Variants in AGBL4 observed in about 807,000 individuals in gnomAD.
The protein encoded by AGBL4 is AGBL carboxypeptidase 4.
AGBL4 carries 58 observed loss-of-function variants against 66.4 expected under a neutral mutation model. That is an observed-to-expected ratio of 0.87 (90% CI 0.71 to 1.09). The LOEUF is 1.09. Among genes scored for constraint, AGBL4 ranks in the 50% least tolerant of loss-of-function variants. AGBL4 has a pLI of 0.00. For synonymous variants in AGBL4, 234 were observed against 222.9 expected, an observed-to-expected ratio of 1.05 and a Z score of -0.44; for missense variants, 579 against 631.0, an observed-to-expected ratio of 0.92 and a Z score of 0.88.
At chr1:49,035,473 G>T (rs1035825057) in intron 5 of AGBL4, among the ~76,000 whole-genome samples, 1 of 152,148 alleles carries the variant, frequency 6.6e-6, no homozygotes, top group Non-Finnish European at 1.5e-5. Context: ...CTGACTCAGG[G>T]TTTTATATGT....
intron 3 of AGBL4, among the ~76,000 whole-genome samples, chr1:49,315,667 G>A (rs1645027568): frequency 6.6e-6 from 1 of 151,910 alleles, no homozygotes; most frequent in Non-Finnish European, 1.5e-5. Flanking sequence ...TGATGAGAGT[G>A]CCAAATAGTA....
rs1480389724 is a variant in AGBL4, at chr1:49,664,933, C to G, written c.282+32380G>C. On this transcript the variant is annotated intron_variant, in intron 3 of 13. Coordinates refer to ENST00000371839, the MANE Select transcript of AGBL4 (RefSeq NM_032785.4). ...GAAGATATAAATTCAGAAGCATCTC[C>G]TTCATGCCACGGTAAATATTTCAGT... Among the ~76,000 whole-genome samples the G allele has an allele frequency of 2.6e-5, 4 of 152,044 alleles. No individual in the cohort carries two copies. In the East Asian group the frequency reaches 7.7e-4, roughly 29 times the overall value.
intron 3 of AGBL4, among the ~76,000 whole-genome samples, chr1:49,369,402 C>T (rs972158120): frequency 2.6e-5 from 4 of 152,156 alleles, no homozygotes; most frequent in Admixed American, 2.0e-4. Context: ...TTGTCTTAAT[C>T]AACCATAAAA....
At chr1:48,727,236 C>A (rs1252137454) in intron 6 of AGBL4, among the ~76,000 whole-genome samples, 1 of 152,204 alleles carries the variant, frequency 6.6e-6, no homozygotes, top group African/African-American at 2.4e-5. Context: ...CCCGTCTTCA[C>A]CCCTTTACAA....
intron 3 of AGBL4, among the ~76,000 whole-genome samples, chr1:49,594,086 G>A (rs958408052): frequency 6.6e-5 from 10 of 152,024 alleles, no homozygotes; most frequent in South Asian, 2.1e-4. Context: ...GTGAAAATTC[G>A]GCTCTTTATA....
chr1:49,866,805 T>C (rs1453623000), intron 1 of AGBL4, among the ~76,000 whole-genome samples: 1 of 152,140 alleles, frequency 6.6e-6, no homozygotes, highest in Admixed American at 6.6e-5. Context: ...TTTCTTTTTT[T>C]TTTTTCCTTG....
At chr1:49,856,731 A>G (rs908301228) in intron 1 of AGBL4, among the ~76,000 whole-genome samples, 2 of 152,116 alleles carry the variant, frequency 1.3e-5, no homozygotes, top group Non-Finnish European at 2.9e-5. Flanking sequence ...AACATATCTC[A>G]ACACAATAAA....
At chr1:49,044,815 T>C (rs937807804) in intron 5 of AGBL4, among the ~76,000 whole-genome samples, 12 of 152,124 alleles carry the variant, frequency 7.9e-5, no homozygotes, top group African/African-American at 2.9e-4. Context: ...GCAAGCAGCC[T>C]CTAGAAGCTG....
At chr1:48,685,988 T>C (rs1646525202) in intron 6 of AGBL4, among the ~76,000 whole-genome samples, 1 of 152,228 alleles carries the variant, frequency 6.6e-6, no homozygotes, top group South Asian at 2.1e-4. Flanking sequence ...GCCCCCATTT[T>C]AGAGATGAGA....
At chr1:49,837,726 T>C (rs1476005055) in intron 2 of AGBL4, among the ~76,000 whole-genome samples, 1 of 152,176 alleles carries the variant, frequency 6.6e-6, no homozygotes, top group Non-Finnish European at 1.5e-5. Context: ...GCACCTGTAG[T>C]TCCAGCTACT....
intron 3 of AGBL4, among the ~76,000 whole-genome samples, chr1:49,362,965 C>T (rs191353391): frequency 6.6e-6 from 1 of 152,234 alleles, no homozygotes; most frequent in East Asian, 1.9e-4. Flanking sequence ...GGGACTCTTT[C>T]CAGTTTATTT....
intron 5 of AGBL4, among the ~76,000 whole-genome samples, chr1:48,993,727 C>G (rs962783848): frequency 1.3e-5 from 2 of 152,170 alleles, no homozygotes; most frequent in Admixed American, 6.5e-5. Flanking sequence ...TAAATGCTCC[C>G]TCCATGAGTA....
At position 48,736,116 on chromosome 1, in the gene AGBL4, C is replaced by T; in HGVS notation, c.635-72875G>A. 1 of 1,146,848 alleles carries T rather than the reference C, an allele frequency of 8.7e-7. No homozygotes were observed. The highest frequency in any genetic ancestry group is 1.5e-5 in the African/African-American group (1 of 64,806). 71.0% of individuals were successfully genotyped at this position (1,146,848 alleles called of 1,614,324 possible). On this transcript the variant is annotated intron_variant, in intron 6 of 13. Transcript: ENST00000371839. This position sits in a 1 kb window ranked among gnomAD's most constrained non-coding sequence, Gnocchi z 4.0. ...GGGTTATCCGCTTGGTGTCCCCGGGCTCAGCCCAGGGTCTGGCATGCAGAA... is the reference window on the plus strand; with the variant it reads ...GGGTTATCCGCTTGGTGTCCCCGGGTTCAGCCCAGGGTCTGGCATGCAGAA...
At chr1:48,615,246 C>T (rs1645299424) in intron 9 of AGBL4, among the ~76,000 whole-genome samples, 1 of 152,130 alleles carries the variant, frequency 6.6e-6, no homozygotes, top group Admixed American at 6.6e-5. Flanking sequence ...TCTTTGAATA[C>T]CAAACTGGGA....
intron 2 of AGBL4, among the ~76,000 whole-genome samples, chr1:49,700,537 CA>C (rs1220689016): frequency 6.6e-6 from 1 of 152,010 alleles, no homozygotes; most frequent in Non-Finnish European, 1.5e-5. Flanking sequence ...AAACACATTA[CA>C]TTTATAGAAC....
intron 9 of AGBL4, among the ~76,000 whole-genome samples, chr1:48,609,838 G>A (rs187153078): frequency 8.7e-4 from 133 of 152,246 alleles, no homozygotes; most frequent in Middle Eastern, 3.4e-3. Context: ...CAATACTGGC[G>A]TCGCTTCCTT....
intron 3 of AGBL4, among the ~76,000 whole-genome samples, chr1:49,678,686 T>A (rs1028160534): frequency 2.6e-5 from 4 of 152,188 alleles, no homozygotes; most frequent in African/African-American, 7.2e-5. Context: ...CTGTGTTTTT[T>A]AAATTTCATT....
In AGBL4 at chr1:48,847,468, A is replaced by G. The variant is rs563379389; in HGVS notation, c.634+19723T>C. 3.3e-5 allele frequency among the ~76,000 whole-genome samples: 5 copies of G among 152,032 alleles called. No homozygotes were observed. The South Asian group carries it at 1.0e-3, about 32-fold the overall frequency. On this transcript the variant is annotated intron_variant, in intron 6 of 13. Coordinates refer to ENST00000371839, the MANE Select transcript of AGBL4 (RefSeq NM_032785.4). ...CCACTTATGATCCTGAGTGAATCTC[A>G]GCTGGGTGATCCTGAGTGAATCACA...
chr1:49,582,300 A>T (rs1644558673), intron 3 of AGBL4, among the ~76,000 whole-genome samples: 1 of 152,136 alleles, frequency 6.6e-6, no homozygotes. Context: ...GAGGGGTAAC[A>T]GCCCCTGTGC....
Sources: gnomAD v4.1 joint callset for allele counts (sites outside exome capture counted in the v4.1 genomes callset) on GRCh38, gnomAD v4.1.1 for gene constraint, Gnocchi (gnomAD v3.1) non-coding constraint, MANE v1.5 for transcripts, NCBI Gene and HGNC (gene_info 2026-07-23, HGNC 2026-07-21) for gene names.